Variants in TSPAN11 observed in about 807,000 individuals in gnomAD.
TSPAN11 encodes tetraspanin-11.
In TSPAN11, 29 loss-of-function variants were observed where a neutral mutation model predicts 32.9. The ratio of observed to expected loss-of-function variants is 0.88; its 90% CI spans 0.66 to 1.20. The LOEUF (loss-of-function observed/expected upper bound fraction) is 1.20. TSPAN11 is among the 50% of genes most tolerant of loss of function. TSPAN11 has a pLI of 0.00. For synonymous variants in TSPAN11, 140 were observed against 141.3 expected, an observed-to-expected ratio of 0.99 and a Z score of 0.07; for missense variants, 283 against 329.1, an observed-to-expected ratio of 0.86 and a Z score of 1.08.
intron 2 of TSPAN11, among the ~76,000 whole-genome samples, chr12:30,960,463 C>T (rs1938589435): frequency 6.6e-6 from 1 of 151,890 alleles, no homozygotes; most frequent in African/African-American, 2.4e-5. Context: ...TGCAGAAGCC[C>T]TATGGTAGCG....
At chr12:30,954,931 C>T (rs940364444) in intron 2 of TSPAN11, 1 of 152,156 alleles carries the variant, frequency 6.6e-6, no homozygotes, top group Admixed American at 6.5e-5. Context: ...CAAATCAACC[C>T]ATGATAAGGC....
intron 2 of TSPAN11, among the ~76,000 whole-genome samples, chr12:30,962,322 C>A (rs544644362): frequency 2.0e-5 from 3 of 152,100 alleles, no homozygotes; most frequent in African/African-American, 7.2e-5. Context: ...AGGAGCAGGC[C>A]CAGCCCAGTC....
chr12:30,933,220 C>A (rs557460303), intron 1 of TSPAN11, among the ~76,000 whole-genome samples: 2 of 152,266 alleles, frequency 1.3e-5, no homozygotes, highest in South Asian at 4.1e-4. Flanking sequence ...TGATCCTTGT[C>A]CTCTAATTTA....
chr12:30,954,265 G>T, intron 2 of TSPAN11, 190 bp downstream of exon 2: 1 of 614,862 alleles, frequency 1.6e-6, no homozygotes, highest in South Asian at 1.9e-5. Context: ...AAAGAATTGG[G>T]TCTGCAGGTT....
intron 1 of TSPAN11, among the ~76,000 whole-genome samples, chr12:30,935,342 A>G (rs1938021068): frequency 6.7e-6 from 1 of 148,508 alleles, no homozygotes. Context: ...GCTTCAAGGG[A>G]GCAGTGAGTA....
chr12:30,934,182 AG>A (rs1937994864), intron 1 of TSPAN11, among the ~76,000 whole-genome samples: 1 of 152,242 alleles, frequency 6.6e-6, no homozygotes, highest in Non-Finnish European at 1.5e-5. Flanking sequence ...CCAGGTGGAC[AG>A]GGGTGACCGG....
At chr12:30,964,311 C>T (rs1179037308) in intron 3 of TSPAN11, among the ~76,000 whole-genome samples, 1 of 151,434 alleles carries the variant, frequency 6.6e-6, no homozygotes, top group Non-Finnish European at 1.5e-5. Flanking sequence ...TCTTCTTCTC[C>T]TATTCTTCCT....
chr12:30,991,008 G>A (rs1417897372), intron 7 of TSPAN11, among the ~76,000 whole-genome samples: 2 of 152,176 alleles, frequency 1.3e-5, no homozygotes, highest in South Asian at 2.1e-4. Flanking sequence ...GGCAGAGGAG[G>A]GCCCATGAAG....
chr12:30,949,447 T>C (rs1277319983), intron 1 of TSPAN11, among the ~76,000 whole-genome samples: 2 of 152,086 alleles, frequency 1.3e-5, no homozygotes, highest in East Asian at 3.9e-4. Context: ...AGGCACTTCT[T>C]ACATGGTGGC....
At chr12:30,927,185 G>A (rs978202996) in intron 1 of TSPAN11, among the ~76,000 whole-genome samples, 10 of 152,256 alleles carry the variant, frequency 6.6e-5, no homozygotes, top group Non-Finnish European at 1.0e-4. Context: ...CTGAATTCGA[G>A]TAGCTGCCTC....
Position 30,992,368 on chromosome 12 carries a change from G to A in TSPAN11, c.*453G>A. The A allele has an allele frequency of 4.8e-6, 1 of 209,694 alleles. No homozygotes were observed. The allele number at this position is 209,694 out of a possible 1,614,324, so 13.0% of individuals were successfully genotyped here. ...CCTTGCTGTTTCTGGAAAAAGCATG[G>A]GGTGGGGCAGGGAGGGCTGGCATTT... On this transcript the variant is annotated 3_prime_UTR_variant, in exon 8 of 8. Coordinates refer to ENST00000546076, the MANE Select transcript of TSPAN11 (RefSeq NM_001370302.1).
intron 1 of TSPAN11, among the ~76,000 whole-genome samples, chr12:30,928,903 G>A (rs1050066432): frequency 1.4e-4 from 21 of 152,220 alleles, no homozygotes; most frequent in East Asian, 1.9e-4. Context: ...CACCAAAAGC[G>A]GGACTGCCTT....
chr12:30,978,223 G>C (rs1005712297), intron 3 of TSPAN11: 1 of 271,962 alleles, frequency 3.7e-6, no homozygotes, highest in Admixed American at 4.7e-5. Context: ...AGTTGCATTT[G>C]TAACACAGCA....
rs1411172483 is a variant in TSPAN11, at chr12:30,982,693, G to A, written c.615+3G>A. The A allele has an allele frequency of 6.4e-7, 1 of 1,553,816 alleles. No individual in the cohort carries two copies. Among genetic ancestry groups the A allele is most frequent in the Non-Finnish European group, 8.7e-7 (1 of 1,145,438 alleles). On this transcript the variant is annotated splice_donor_region_variant and intron_variant, in intron 6 of 7. Transcript: ENST00000546076. ...CCTCCAACATCTATAAGGTGGAGGT[G>A]AGCACCCAAGCTCAAGTTGGGGGTG...
At chr12:30,949,816 C>T (rs1018096807) in intron 1 of TSPAN11, among the ~76,000 whole-genome samples, 8 of 152,272 alleles carry the variant, frequency 5.3e-5, no homozygotes, top group African/African-American at 1.4e-4. Flanking sequence ...TGAAAGTGAG[C>T]GCTTGCTAGT....
rs376090918 is a variant in TSPAN11 at position 30,981,329 on chromosome 12, C to T, written c.457-1203C>T. ...ACACACAAAGCTGTATTCACACAAG[C>T]GTGATGGTGGAAGCAGGTGTCTCTC... On this transcript the variant is annotated intron_variant, in intron 5 of 7. Coordinates refer to ENST00000546076, the MANE Select transcript of TSPAN11 (RefSeq NM_001370302.1). 6.6e-5 allele frequency among the ~76,000 whole-genome samples: 10 copies of T among 152,194 alleles called. No homozygotes were observed. In the South Asian group the frequency reaches 8.3e-4, roughly 13 times the overall value.
downstream of TSPAN11, chr12:30,997,166 G>T (rs1939430064): frequency 6.6e-6 from 1 of 152,234 alleles, no homozygotes. Context: ...CCTGGAGTTG[G>T]ACATGTTTTC....
At chr12:30,934,172 C>A (rs114011647) in intron 1 of TSPAN11, among the ~76,000 whole-genome samples, 3,368 of 152,338 alleles carry the variant, frequency 0.022, 111 homozygotes, top group African/African-American at 0.077. Context: ...TGGGCCAGGC[C>A]CAGGTGGACA....
intron 2 of TSPAN11, among the ~76,000 whole-genome samples, chr12:30,959,002 T>C (rs1938555946): frequency 6.6e-6 from 1 of 152,144 alleles, no homozygotes; most frequent in Non-Finnish European, 1.5e-5. Context: ...TGGGACTTTG[T>C]GGACTGCCCC....
Sources: gnomAD v4.1 joint callset for allele counts (sites outside exome capture counted in the v4.1 genomes callset) on GRCh38, gnomAD v4.1.1 for gene constraint, MANE v1.5 for transcripts, NCBI Gene and HGNC (gene_info 2026-07-23, HGNC 2026-07-21) for gene names.